Variants in PIK3R6 observed in about 807,000 individuals in gnomAD.
The protein encoded by PIK3R6 is phosphoinositide-3-kinase regulatory subunit 6.
Under a neutral mutation model 84.9 loss-of-function variants are expected in PIK3R6, and 91 were observed. That is an observed-to-expected ratio of 1.07 (90% CI 0.90 to 1.28). PIK3R6 has a LOEUF of 1.28. Ranked by LOEUF, PIK3R6 falls within the 50% of genes most tolerant of loss-of-function variation. The pLI is 0.00. For synonymous variants in PIK3R6, 416 were observed against 411.4 expected, an observed-to-expected ratio of 1.01 and a Z score of -0.13; for missense variants, 996 against 985.1, an observed-to-expected ratio of 1.01 and a Z score of -0.15.
chr17:8,825,531 G>C (rs4791761), intron 13 of PIK3R6, among the ~76,000 whole-genome samples: 35,211 of 151,216 alleles, frequency 0.23, 4,143 homozygotes, highest in Non-Finnish European at 0.25. Flanking sequence ...GCACATGTTA[G>C]TATCATGTAC....
chr17:8,829,682 C>T, intron 10 of PIK3R6, 24 bp downstream of exon 10: 1 of 1,545,902 alleles, frequency 6.5e-7, no homozygotes. Context: ...ACCACTGTTT[C>T]CAGACAGCTC....
intron 10 of PIK3R6, among the ~76,000 whole-genome samples, chr17:8,829,295 T>C (rs200031857): frequency 1.0e-5 from 1 of 96,562 alleles, no homozygotes; most frequent in Non-Finnish European, 2.0e-5. Flanking sequence ...GCATCATGCA[T>C]ACACACACAC....
At chr17:8,824,667 C>T (rs72848127) in intron 13 of PIK3R6, among the ~76,000 whole-genome samples, 423 of 152,330 alleles carry the variant, frequency 2.8e-3, no homozygotes, top group Middle Eastern at 6.8e-3. Context: ...CAAAACCTTA[C>T]AGTGTCCCAG....
In PIK3R6 at chr17:8,804,173, C is replaced by A. The variant is rs747195283; in HGVS notation, c.1996-20G>T. 5.8e-5 allele frequency: 92 copies of A among 1,596,304 alleles called. No individual in the cohort carries two copies. Among genetic ancestry groups the A allele is most frequent in the Non-Finnish European group, 7.3e-5 (85 of 1,164,290 alleles). On this transcript the variant is annotated intron_variant, in intron 18 of 19. Transcript: ENST00000619866. The stretch of plus-strand genomic sequence containing the variant: ...CACTGTCTGCAGCACAGAGATCGCA[C>A]GTGTGAGTGTTGCCTTTGCTCGACA...
chr17:8,824,009 C>T (rs2087836580), intron 13 of PIK3R6, among the ~76,000 whole-genome samples: 2 of 152,210 alleles, frequency 1.3e-5, no homozygotes, highest in Admixed American at 6.5e-5. Context: ...TGGCTCAACA[C>T]CTGTAATCTC....
Position 8,807,794 on chromosome 17 carries a change from G to A in PIK3R6, c.1996-3641C>T, listed in dbSNP as rs539487056. On this transcript the variant is annotated intron_variant, in intron 18 of 19. Transcript: ENST00000619866. ...GAGTTTTTCTGCCCCTGGAGAATGG[G>A]AGAAGATGGAGGAGTTTTAAGTACG... 3.9e-5 allele frequency among the ~76,000 whole-genome samples: 6 copies of A among 152,300 alleles called. No individual in the cohort carries two copies. In the South Asian group the frequency reaches 1.0e-3, roughly 26 times the overall value.
chr17:8,856,271 C>G (rs977999006), intron 1 of PIK3R6, among the ~76,000 whole-genome samples: 5 of 152,174 alleles, frequency 3.3e-5, no homozygotes, highest in Non-Finnish European at 7.3e-5. Context: ...AGTTTCCCCC[C>G]AGTGATAACA....
At chr17:8,829,649 T>C (rs1193028342) in intron 10 of PIK3R6, 57 bp downstream of exon 10, 21 of 1,491,074 alleles carry the variant, frequency 1.4e-5, no homozygotes, top group Non-Finnish European at 1.9e-5. Flanking sequence ...CATGCACGCA[T>C]ACACACACAG....
At chr17:8,820,434 G>A (rs1475360732) in intron 17 of PIK3R6, among the ~76,000 whole-genome samples, 1 of 151,828 alleles carries the variant, frequency 6.6e-6, no homozygotes, top group Non-Finnish European at 1.5e-5. Flanking sequence ...AAAACAGGTA[G>A]AGAGGACACA....
At chr17:8,822,868 A>G in intron 15 of PIK3R6, 128 bp downstream of exon 15, 1 of 978,184 alleles carries the variant, frequency 1.0e-6, no homozygotes. Context: ...CAGCAGAGGT[A>G]GGGAACAGAG....
rs192497195 is a variant in PIK3R6 at position 8,842,185 on chromosome 17, A to C, written c.14-2488T>G. On this transcript the variant is annotated intron_variant, in intron 2 of 19. Transcript: ENST00000619866. This position sits in a 1 kb window ranked among gnomAD's most constrained non-coding sequence, Gnocchi z 4.5. ...GCCTGCAGAACGCTGAGCCAAATAA[A>C]CCTCTTTTCTTTATAAATTACCCAG... Among the ~76,000 whole-genome samples, 286 of 151,688 alleles carry C rather than the reference A, an allele frequency of 1.9e-3. No individual in the cohort carries two copies. The highest frequency in any genetic ancestry group is 6.3e-3 in the African/African-American group (260 of 41,298).
At chr17:8,858,318 T>C (rs906576953) in intron 1 of PIK3R6, among the ~76,000 whole-genome samples, 4 of 147,740 alleles carry the variant, frequency 2.7e-5, no homozygotes, top group East Asian at 3.9e-4. Context: ...ATCTTTTTTT[T>C]TTTTTTTTTT....
intron 18 of PIK3R6, 26 bp downstream of exon 18, chr17:8,819,057 C>T (rs942206726): frequency 3.3e-6 from 5 of 1,527,768 alleles, no homozygotes; most frequent in Non-Finnish European, 2.7e-6. Context: ...TGGCTGTCTC[C>T]CTTTCCCAGT....
rs1313146172 is a variant in PIK3R6 at position 8,844,371 on chromosome 17, A to G, written c.14-4674T>C. On this transcript the variant is annotated intron_variant, in intron 2 of 19. Transcript: ENST00000619866. The surrounding 1 kb of genome is among the most constrained non-coding windows in gnomAD (Gnocchi z 4.5). ...CTCCAAGTGAATGATGCTAGAGTTC[A>G]TCCTAACCTTGGAATATGAGAGGTT... Among the ~76,000 whole-genome samples the G allele has an allele frequency of 6.6e-6, 1 of 152,230 alleles. No individual in the cohort carries two copies. Among genetic ancestry groups the G allele is most frequent in the Non-Finnish European group, 1.5e-5 (1 of 68,028 alleles).
chr17:8,829,203 GCA>G lies in PIK3R6; in HGVS notation c.890-215_890-214del, dbSNP rs201003788. Among the ~76,000 whole-genome samples, 371 of 128,906 alleles carry G rather than the reference GCA, an allele frequency of 2.9e-3. 5 individuals are homozygous for G. The highest frequency in any genetic ancestry group is 8.6e-3 in the East Asian group (40 of 4,648). The allele number at this position is 128,906 out of a possible 152,430, so 84.6% of individuals were successfully genotyped here. A position where few individuals can be genotyped will look rare whatever the true frequency, so the allele number is the denominator to read the frequency against. On this transcript the variant is annotated intron_variant, in intron 10 of 19. Transcript: ENST00000619866. Reference sequence around the variant, plus strand: ...GACACAGACAGACATACACACACGTGCACACACACAGACACACACACAGAGAC... The same window carrying G: ...GACACAGACAGACATACACACACGTGCACACACAGACACACACACAGAGAC...
At chr17:8,822,352 C>G (rs2087766399) in intron 16 of PIK3R6, among the ~76,000 whole-genome samples, 1 of 152,148 alleles carries the variant, frequency 6.6e-6, no homozygotes, top group African/African-American at 2.4e-5. Context: ...TATTTTTTAG[C>G]AAGGGGTCAG....
At position 8,844,508 on chromosome 17, in the gene PIK3R6, C is replaced by T. The variant is rs962106085; in HGVS notation, c.14-4811G>A. Among the ~76,000 whole-genome samples, 13 of 152,096 alleles carry T rather than the reference C, an allele frequency of 8.5e-5. No homozygotes were observed. The highest frequency in any genetic ancestry group is 2.0e-4 in the Admixed American group (3 of 15,262). On this transcript the variant is annotated intron_variant, in intron 2 of 19. Coordinates refer to ENST00000619866, the MANE Select transcript of PIK3R6 (RefSeq NM_001010855.4). The surrounding 1 kb of genome is among the most constrained non-coding windows in gnomAD (Gnocchi z 4.5). ...TGCAGGTCTAACATCCTTGATGACT[C>T]GAATAGTCAATAGATAAATGGCATC...
intron 18 of PIK3R6, among the ~76,000 whole-genome samples, chr17:8,805,012 T>A (rs2151164973): frequency 6.6e-6 from 1 of 152,312 alleles, no homozygotes; most frequent in South Asian, 2.1e-4. Flanking sequence ...TTGTTCAGTG[T>A]CATCTAGCAG....
chr17:8,828,147 G>A lies in PIK3R6; in HGVS notation c.1357C>T (p.Leu453=), dbSNP rs2088012759. Residue 453 remains leucine (L), a synonymous_variant, in exon 12 of 20, where the codon CTG becomes TTG. Coordinates refer to ENST00000619866, the MANE Select transcript of PIK3R6 (RefSeq NM_001010855.4). ...AGCACGGGGATGTAGTAGAGCTGCA[G>A]GCTGAGTCTGGGAGTGAGGCAGAAC... ...QKFCLTPRLS[L]QLYYIPVLAP... is the part of the protein sequence containing the mutation. The A allele has an allele frequency of 6.2e-7, 1 of 1,613,876 alleles. No homozygotes were observed. Among genetic ancestry groups the A allele is most frequent in the Admixed American group, 1.7e-5 (1 of 59,998 alleles).
Sources: allele counts gnomAD v4.1 joint callset (sites outside exome capture counted in the v4.1 genomes callset), GRCh38; gene constraint gnomAD v4.1.1; non-coding constraint Gnocchi (gnomAD v3.1); transcripts MANE v1.5; gene names NCBI Gene and HGNC (gene_info 2026-07-23, HGNC 2026-07-21).